The following SNX29 variants were observed in gnomAD, a reference collection of about 807,000 sequenced individuals.
SNX29 encodes the protein sorting nexin-29.
A neutral mutation model predicts 102.1 loss-of-function variants in SNX29; 78 were observed. That is an observed-to-expected ratio of 0.76 (90% CI 0.64 to 0.92). The LOEUF is 0.92. Ranked by LOEUF, SNX29 falls within the 40% of genes least tolerant of loss-of-function variation. The pLI is 0.00. For synonymous variants in SNX29, 580 were observed against 414.5 expected (o/e 1.40, Z -4.85); for missense variants, 1,280 against 1,061.7 (o/e 1.21, Z -2.86).
chr16:12,571,642 A>G lies in SNX29; in HGVS notation c.*3013A>G. The G allele has an allele frequency of 1.9e-6, 2 of 1,059,198 alleles. No homozygotes were observed. Among genetic ancestry groups the G allele is most frequent in the Non-Finnish European group, 2.3e-6 (2 of 875,574 alleles). The allele number at this position is 1,059,198 out of a possible 1,614,324, so 65.6% of individuals were successfully genotyped here. ...CACATCTTTTTTTCTCCCCCAGATG[A>G]AAGACGACTCAGGAACGGTAGGGCT... On this transcript the variant is annotated 3_prime_UTR_variant, in exon 21 of 21. Transcript: ENST00000566228.
chr16:12,487,685 T>C (rs1263080526), intron 19 of SNX29, among the ~76,000 whole-genome samples: 1 of 152,078 alleles, frequency 6.6e-6, no homozygotes, highest in African/African-American at 2.4e-5. Flanking sequence ...CAGAAGATGG[T>C]GGGACTCCCC....
At chr16:12,008,810 C>G (rs1018802246) in intron 3 of SNX29, among the ~76,000 whole-genome samples, 5 of 150,514 alleles carry the variant, frequency 3.3e-5, no homozygotes, top group East Asian at 2.0e-4. Context: ...GGCGCAATCT[C>G]AGTTCACTGC....
At chr16:12,483,120 T>TG (rs2088038319) in intron 19 of SNX29, among the ~76,000 whole-genome samples, 2 of 62,920 alleles carry the variant, frequency 3.2e-5, no homozygotes, top group African/African-American at 1.1e-4. Flanking sequence ...TTAAGTTTTT[T>TG]TTTTTTTTTT....
chr16:12,222,117 A>G (rs189112523), intron 14 of SNX29, among the ~76,000 whole-genome samples: 3 of 152,374 alleles, frequency 2.0e-5, no homozygotes, highest in Admixed American at 6.5e-5. Context: ...AAGCCTACAT[A>G]GGTAGGTGCT....
chr16:12,504,190 A>G (rs2089263874), intron 19 of SNX29, among the ~76,000 whole-genome samples: 1 of 152,042 alleles, frequency 6.6e-6, no homozygotes, highest in African/African-American at 2.4e-5. Flanking sequence ...TTAGCATAAT[A>G]TTTTCAAGGG....
intron 18 of SNX29, among the ~76,000 whole-genome samples, chr16:12,430,636 A>C (rs73517997): frequency 0.054 from 8,157 of 152,298 alleles, 495 homozygotes; most frequent in African/African-American, 0.14. Flanking sequence ...CTTGTAAAGC[A>C]CTTATATAGT....
At chr16:12,230,805 C>T (rs2077745168) in intron 14 of SNX29, among the ~76,000 whole-genome samples, 1 of 149,902 alleles carries the variant, frequency 6.7e-6, no homozygotes, top group African/African-American at 2.5e-5. Context: ...AAATGTTTCT[C>T]CCTTGTAATA....
At chr16:12,414,188 T>C (rs1419873804) in intron 18 of SNX29, among the ~76,000 whole-genome samples, 1 of 152,170 alleles carries the variant, frequency 6.6e-6, no homozygotes, top group East Asian at 1.9e-4. Context: ...CAGAACCCAC[T>C]GATACGGAGG....
chr16:12,538,022 C>T (rs544998784), intron 20 of SNX29, among the ~76,000 whole-genome samples: 1 of 151,788 alleles, frequency 6.6e-6, no homozygotes, highest in African/African-American at 2.4e-5. Flanking sequence ...CATTTATAGA[C>T]CAAAATCGTC....
intron 20 of SNX29, among the ~76,000 whole-genome samples, chr16:12,558,800 C>G (rs908385282): frequency 2.6e-5 from 4 of 152,206 alleles, no homozygotes; most frequent in Admixed American, 1.3e-4. Flanking sequence ...GTTTATCTGC[C>G]TGATAAGGGC....
At chr16:12,141,639 A>G (rs2054874102) in intron 13 of SNX29, among the ~76,000 whole-genome samples, 1 of 152,250 alleles carries the variant, frequency 6.6e-6, no homozygotes, top group Non-Finnish European at 1.5e-5. Context: ...CCACTTTTAG[A>G]CCATGTAGGA....
chr16:12,547,008 T>C (rs1003902775), intron 20 of SNX29, among the ~76,000 whole-genome samples: 8 of 151,946 alleles, frequency 5.3e-5, no homozygotes, highest in African/African-American at 1.9e-4. Flanking sequence ...TTTCAGATCC[T>C]GATAGTTCAA....
At chr16:12,065,127 C>A (rs915247025) in intron 9 of SNX29, among the ~76,000 whole-genome samples, 1 of 152,148 alleles carries the variant, frequency 6.6e-6, no homozygotes, top group Non-Finnish European at 1.5e-5. Flanking sequence ...AGAGATAACT[C>A]TGTGGTTTAG....
At chr16:12,531,449 C>G (rs2076930394) in intron 20 of SNX29, among the ~76,000 whole-genome samples, 1 of 152,156 alleles carries the variant, frequency 6.6e-6, no homozygotes, top group African/African-American at 2.4e-5. Flanking sequence ...CCCAGATGGC[C>G]AAGAGGAAAG....
chr16:12,388,078 T>C (rs1196012316), intron 16 of SNX29, among the ~76,000 whole-genome samples: 1 of 152,220 alleles, frequency 6.6e-6, no homozygotes, highest in African/African-American at 2.4e-5. Flanking sequence ...TGCCAGAGCA[T>C]CTTCTCTTCC....
At chr16:12,206,063 C>T (rs982582931) in intron 14 of SNX29, among the ~76,000 whole-genome samples, 1 of 152,190 alleles carries the variant, frequency 6.6e-6, no homozygotes, top group Non-Finnish European at 1.5e-5. Context: ...CATGTAACTG[C>T]ATCTTTCAGT....
At chr16:12,247,553 G>A (rs1409892034) in intron 14 of SNX29, among the ~76,000 whole-genome samples, 1 of 152,182 alleles carries the variant, frequency 6.6e-6, no homozygotes, top group African/African-American at 2.4e-5. Context: ...GGGCACCTGT[G>A]ATTGACATGG....
intron 14 of SNX29, among the ~76,000 whole-genome samples, chr16:12,250,910 C>T (rs2078402110): frequency 6.6e-6 from 1 of 152,228 alleles, no homozygotes; most frequent in African/African-American, 2.4e-5. Flanking sequence ...GGATCCCTGA[C>T]CCCGGTACTG....
chr16:12,145,763 A>T (rs1032346895), intron 13 of SNX29, among the ~76,000 whole-genome samples: 1 of 152,248 alleles, frequency 6.6e-6, no homozygotes, highest in South Asian at 2.1e-4. Flanking sequence ...CATGTTATTC[A>T]GTTCCATGGA....
Sources: allele counts gnomAD v4.1 joint callset (sites outside exome capture counted in the v4.1 genomes callset), GRCh38; gene constraint gnomAD v4.1.1; transcripts MANE v1.5; gene names NCBI Gene and HGNC (gene_info 2026-07-23, HGNC 2026-07-21).